Variants in PERCC1 observed in about 807,000 individuals in gnomAD.
PERCC1 encodes the protein protein PERCC1.
chr16:1,432,059 G>C (rs917525530), intron 1 of PERCC1, among the ~76,000 whole-genome samples: 18 of 149,982 alleles, frequency 1.2e-4, no homozygotes, highest in Non-Finnish European at 2.7e-4. Context: ...CCCAGCCCGG[G>C]ACCCAGCTCC....
chr16:1,432,945 G>C lies in PERCC1; in HGVS notation c.352G>C (p.Asp118His), dbSNP rs180836504. 359 of 398,932 alleles carry C rather than the reference G, an allele frequency of 9.0e-4. 2 individuals are homozygous for C. In the East Asian group the frequency reaches 0.011, roughly 12 times the overall value. 24.7% of individuals were successfully genotyped at this position (398,932 alleles called of 1,614,324 possible). The change falls in exon 2 of 2, where the codon GAC (aspartate) becomes CAC (histidine). Residue 118 changes from aspartate to histidine, a missense_variant. Asp to His is a moderately conservative substitution (Grantham distance 81). Transcript: ENST00000640283. ...QDPDACDVYA[D>H]SRPPRSTARE... The stretch of plus-strand genomic sequence containing the variant: ...CCCAGATGCCTGCGACGTCTACGCC[G>C]ACAGCCGCCCACCCCGCAGCACTGC...
At chr16:1,432,485 C>T (rs975877109) in intron 1 of PERCC1, 62 bp from the exon 2 acceptor site, 56 of 397,928 alleles carry the variant, frequency 1.4e-4, no homozygotes, top group Non-Finnish European at 2.3e-4. Context: ...GGGCAGCAGT[C>T]GAGGGCGGCG....
intron 1 of PERCC1, among the ~76,000 whole-genome samples, chr16:1,432,325 C>A (rs542022313): frequency 1.3e-5 from 2 of 152,236 alleles, no homozygotes; most frequent in African/African-American, 4.8e-5. Flanking sequence ...GCCGGCCATC[C>A]CCCTCATGCC....
rs1361727497 is a variant in PERCC1, at chr16:1,433,910, G to A, written c.*513G>A. 6.6e-6 allele frequency among the ~76,000 whole-genome samples: 1 copy of A among 152,226 alleles called. No individual in the cohort carries two copies. The highest frequency in any genetic ancestry group is 2.4e-5 in the African/African-American group (1 of 41,450). On this transcript the variant is annotated 3_prime_UTR_variant, in exon 2 of 2. Coordinates refer to ENST00000640283, the MANE Select transcript of PERCC1 (RefSeq NM_001365310.2). ...GGCTTTCTTGGAGAGGCAGGAAGAG[G>A]GGCCCACTGCCCGACCGAGAGAGCA...
rs2038470838 is a variant in PERCC1 at position 1,433,684 on chromosome 16, C to A, written c.*287C>A. ...GCTCAAGGGGCTCCACCCACCAGGG[C>A]CCCCAGGTGAGGCTGAGGGCCCAGC... On this transcript the variant is annotated 3_prime_UTR_variant, in exon 2 of 2. Transcript: ENST00000640283. Among the ~76,000 whole-genome samples the A allele has an allele frequency of 1.3e-5, 2 of 152,194 alleles. No homozygotes were observed. The highest frequency in any genetic ancestry group is 6.5e-5 in the Admixed American group (1 of 15,288).
In PERCC1 at chr16:1,434,117, C is replaced by G. The variant is rs1451274420; in HGVS notation, c.*720C>G. ...GCGGGGGCAGGCCTAGGTGCTTCTG[C>G]GCAGGCCCTAGCCAAGCCCCTTCCA... is the stretch of plus-strand genomic sequence containing the variant. On this transcript the variant is annotated 3_prime_UTR_variant, in exon 2 of 2. Coordinates refer to ENST00000640283, the MANE Select transcript of PERCC1 (RefSeq NM_001365310.2). Among the ~76,000 whole-genome samples, 1 of 152,198 alleles carries G rather than the reference C, an allele frequency of 6.6e-6. No individual in the cohort carries two copies.
intron 1 of PERCC1, among the ~76,000 whole-genome samples, chr16:1,432,190 GACC>G (rs901763028): frequency 3.3e-5 from 5 of 152,034 alleles, no homozygotes; most frequent in African/African-American, 9.7e-5. Context: ...CCTCCCAAGT[GACC>G]ACAATTCTAG....
At chr16:1,432,150 G>A (rs1332310738) in intron 1 of PERCC1, among the ~76,000 whole-genome samples, 3 of 151,972 alleles carry the variant, frequency 2.0e-5, no homozygotes, top group Non-Finnish European at 2.9e-5. Flanking sequence ...CCCTTCCCCA[G>A]GGCCTGCCCT....
rs546474924 is a variant in PERCC1, at chr16:1,431,543, C to T, written c.-48+435C>T. Among the ~76,000 whole-genome samples the T allele has an allele frequency of 1.1e-3, 162 of 152,038 alleles. 3 individuals are homozygous for T. In the South Asian group the frequency reaches 0.03, roughly 28 times the overall value. On this transcript the variant is annotated intron_variant, in intron 1 of 1. Transcript: ENST00000640283. ...GCTCCCCACAGCCCTTCCTACTCCC[C>T]GCAACACCCCTCCCTCCCTGAAGCC...
intron 1 of PERCC1, 47 bp from the exon 2 acceptor site, chr16:1,432,500 C>T: frequency 2.5e-6 from 1 of 398,402 alleles, no homozygotes; most frequent in Non-Finnish European, 4.4e-6. Flanking sequence ...GCGGCGGGGG[C>T]ATGGCCAGGC....
chr16:1,433,285 C>G lies in PERCC1; in HGVS notation c.692C>G (p.Pro231Arg). Residue 231 changes from proline (P) to arginine (R), a missense_variant, in exon 2 of 2, where the codon CCT (proline) becomes CGT (arginine). Physicochemically the swap from Pro to Arg is moderately radical, Grantham distance 103. Transcript: ENST00000640283. ...PTPSPLGLLH[P>R]GTPDFSDLLA... ...CCTAGCCCCCTGGGCCTGCTGCACC[C>G]TGGCACGCCGGACTTCAGCGACCTG... 2.5e-6 allele frequency: 1 copy of G among 399,032 alleles called. No individual in the cohort carries two copies. The highest frequency in any genetic ancestry group is 4.4e-6 in the Non-Finnish European group (1 of 226,276). The allele number at this position is 399,032 out of a possible 1,614,324, so 24.7% of individuals were successfully genotyped here.
Position 1,433,134 on chromosome 16 carries a change from G to C in PERCC1, c.541G>C (p.Gly181Arg). 1 of 398,594 alleles carries C rather than the reference G, an allele frequency of 2.5e-6. No individual in the cohort carries two copies. The highest frequency in any genetic ancestry group is 4.4e-6 in the Non-Finnish European group (1 of 226,002). The allele number at this position is 398,594 out of a possible 1,614,324, so 24.7% of individuals were successfully genotyped here. A position where few individuals can be genotyped will look rare whatever the true frequency, so the allele number is the denominator to read the frequency against. The change falls in exon 2 of 2, where the codon GGG (glycine) becomes CGG (arginine). Residue 181 changes from glycine (G) to arginine (R), a missense_variant. Coordinates refer to ENST00000640283, the MANE Select transcript of PERCC1 (RefSeq NM_001365310.2). The part of the protein sequence containing the change: ...LGPLAELFDY[G>R]LQQYWGSRAA... ...ACCCCTGGCCGAGCTCTTCGACTAC[G>C]GGCTGCAGCAGTACTGGGGGTCCAG...
In PERCC1 at chr16:1,433,850, C is replaced by T. The variant is rs1221957980; in HGVS notation, c.*453C>T. Among the ~76,000 whole-genome samples, 2 of 152,254 alleles carry T rather than the reference C, an allele frequency of 1.3e-5. No individual in the cohort carries two copies. The highest frequency in any genetic ancestry group is 2.9e-5 in the Non-Finnish European group (2 of 68,044). On this transcript the variant is annotated 3_prime_UTR_variant, in exon 2 of 2. Transcript: ENST00000640283. ...GGCCCCTCCCCTGAGCCCCCGGCAGCAGACGGCAGGGCCGGCGACCGCGGG... is the reference window on the plus strand; with the variant it reads ...GGCCCCTCCCCTGAGCCCCCGGCAGTAGACGGCAGGGCCGGCGACCGCGGG...
chr16:1,432,434 A>C (rs1411096682), intron 1 of PERCC1, 113 bp from the exon 2 acceptor site: 1 of 397,524 alleles, frequency 2.5e-6, no homozygotes, highest in South Asian at 1.4e-4. Flanking sequence ...CCAGGAGCGG[A>C]GGAAGGTCTC....
Position 1,432,773 on chromosome 16 carries a change from C to T in PERCC1, c.180C>T (p.Leu60=). 1 of 399,020 alleles carries T rather than the reference C, an allele frequency of 2.5e-6. No homozygotes were observed. The highest frequency in any genetic ancestry group is 4.4e-6 in the Non-Finnish European group (1 of 226,328). The allele number at this position is 399,020 out of a possible 1,614,324, so 24.7% of individuals were successfully genotyped here. The change falls in exon 2 of 2, where the codon CTC becomes CTT. Residue 60 remains leucine, a synonymous_variant. Transcript: ENST00000640283. ...GGCTGGGGGGCTGCGGCCGGATCCT[C>T]CCGAGCTCAGGCCGGGCAGAGGCCA... ...GEGLGGCGRI[L]PSSGRAEATE... is the part of the protein sequence containing the mutation.
Position 1,433,337 on chromosome 16 carries a change from T to C in PERCC1, c.744T>C (p.Cys248=), listed in dbSNP as rs2142348274. Reference sequence around the variant, plus strand: ...TGGCCAGCTGGTCAACCGAGGCCTGTCCTGAGCTGCCCGGCAGGGGAACCC... The same window carrying C: ...TGGCCAGCTGGTCAACCGAGGCCTGCCCTGAGCTGCCCGGCAGGGGAACCC... ...DLLASWSTEA[C]PELPGRGTPA... The change falls in exon 2 of 2, where the codon TGT becomes TGC. Residue 248 remains cysteine, a synonymous_variant. Coordinates refer to ENST00000640283, the MANE Select transcript of PERCC1 (RefSeq NM_001365310.2). 1 of 398,596 alleles carries C rather than the reference T, an allele frequency of 2.5e-6. No homozygotes were observed. 24.7% of individuals were successfully genotyped at this position (398,596 alleles called of 1,614,324 possible). A position where few individuals can be genotyped will look rare whatever the true frequency, so the allele number is the denominator to read the frequency against.
chr16:1,434,317 G>T lies in PERCC1; in HGVS notation c.*920G>T. 1 of 1,459,210 alleles carries T rather than the reference G, an allele frequency of 6.9e-7. No individual in the cohort carries two copies. The allele number at this position is 1,459,210 out of a possible 1,614,324, so 90.4% of individuals were successfully genotyped here. ...GGGCACCCCCGCTGCCAGGGACCTC[G>T]CCACCCCGCTCAGCCCCACAGGCCC... On this transcript the variant is annotated 3_prime_UTR_variant, in exon 2 of 2. Coordinates refer to ENST00000640283, the MANE Select transcript of PERCC1 (RefSeq NM_001365310.2).
chr16:1,432,212 C>A (rs537083682), intron 1 of PERCC1, among the ~76,000 whole-genome samples: 32 of 152,260 alleles, frequency 2.1e-4, no homozygotes, highest in African/African-American at 7.5e-4. Context: ...AGTGTCCCCA[C>A]AATGTCCCCA....
chr16:1,433,807 A>G lies in PERCC1; in HGVS notation c.*410A>G, dbSNP rs1439718454. ...CCCATCCCACCGAACCCCTAGGACT[A>G]AGCGGCCCGGAACCTGTGGCCCCTC... is the stretch of plus-strand genomic sequence containing the variant. On this transcript the variant is annotated 3_prime_UTR_variant, in exon 2 of 2. Transcript: ENST00000640283. Among the ~76,000 whole-genome samples the G allele has an allele frequency of 2.0e-5, 3 of 152,290 alleles. No homozygotes were observed. In the East Asian group the frequency reaches 5.8e-4, roughly 29 times the overall value.
Sources: gnomAD v4.1 joint callset for allele counts (sites outside exome capture counted in the v4.1 genomes callset) on GRCh38, gnomAD v4.1.1 for gene constraint, MANE v1.5 for transcripts, NCBI Gene and HGNC (gene_info 2026-07-23, HGNC 2026-07-21) for gene names.